Variants in ARHGEF7 observed in about 807,000 individuals in gnomAD.
The protein encoded by ARHGEF7 is PAK-interacting exchange factor beta.
In ARHGEF7, 33 loss-of-function variants were observed where a neutral mutation model predicts 109.8. The observed-to-expected ratio is 0.30, with a 90% CI of 0.23 to 0.40. ARHGEF7 has a LOEUF of 0.40. ARHGEF7 is among the 10% of genes least tolerant of loss of function. The pLI is 1.00. For synonymous variants in ARHGEF7, 458 were observed against 424.6 expected, an observed-to-expected ratio of 1.08 and a Z score of -0.97; for missense variants, 938 against 1,098.5, an observed-to-expected ratio of 0.85 and a Z score of 2.07.
chr13:111,229,032 A>G lies in ARHGEF7; in HGVS notation c.671-4173A>G, dbSNP rs1308145655. 2.0e-5 allele frequency among the ~76,000 whole-genome samples: 3 copies of G among 151,996 alleles called. No individual in the cohort carries two copies. The East Asian group carries it at 5.8e-4, about 29-fold the overall frequency. Reference sequence around the variant, plus strand: ...CTTCTCAAAAGAGGCAGAAATTCCCAGCCCTGTGATGGTGGAGCTGCCTCG... The same window carrying G: ...CTTCTCAAAAGAGGCAGAAATTCCCGGCCCTGTGATGGTGGAGCTGCCTCG... On this transcript the variant is annotated intron_variant, in intron 5 of 21. Transcript: ENST00000646102.
intron 2 of ARHGEF7, among the ~76,000 whole-genome samples, chr13:111,203,387 G>C (rs2081408783): frequency 6.6e-6 from 1 of 152,194 alleles, no homozygotes; most frequent in African/African-American, 2.4e-5. Flanking sequence ...TTTGAGTTGG[G>C]ATTTCTTCTT....
chr13:111,265,853 T>G, intron 8 of ARHGEF7: 1 of 411,170 alleles, frequency 2.4e-6, no homozygotes, highest in Non-Finnish European at 4.9e-6. Context: ...GCCTTGATCT[T>G]AGGCTTCCAA....
chr13:111,190,133 C>T (rs1448876269), intron 2 of ARHGEF7, among the ~76,000 whole-genome samples: 4 of 152,184 alleles, frequency 2.6e-5, no homozygotes, highest in East Asian at 1.9e-4. Context: ...TAGTTGAGCT[C>T]ATTTGGGGTT....
chr13:111,233,482 A>G (rs956730717), intron 6 of ARHGEF7, among the ~76,000 whole-genome samples, 189 bp downstream of exon 6: 3 of 152,148 alleles, frequency 2.0e-5, no homozygotes, highest in Non-Finnish European at 2.9e-5. Flanking sequence ...TTGTAATTGT[A>G]TGTTTTTGTT....
intron 2 of ARHGEF7, among the ~76,000 whole-genome samples, chr13:111,179,840 C>T (rs1594362001): frequency 6.6e-6 from 1 of 152,212 alleles, no homozygotes; most frequent in Non-Finnish European, 1.5e-5. Flanking sequence ...ATGAATTCTG[C>T]ATAGGTAATA....
intron 5 of ARHGEF7, 54 bp from the exon 6 acceptor site, chr13:111,233,151 A>G: frequency 6.8e-7 from 1 of 1,469,016 alleles, no homozygotes; most frequent in Non-Finnish European, 9.5e-7. Context: ...AGGGGCTGGA[A>G]CTTTTGTCAT....
At position 111,290,885 on chromosome 13, in the gene ARHGEF7, G is replaced by C. The variant is rs925037283; in HGVS notation, c.2135-1233G>C. On this transcript the variant is annotated intron_variant, in intron 18 of 21. Coordinates refer to ENST00000646102, the MANE Select transcript of ARHGEF7 (RefSeq NM_001354046.2). ...TGGAAAGGTGGTATACTTACTCAAG[G>C]TGTCTGGAAATGGGATCATAGTGAA... is the stretch of plus-strand genomic sequence containing the variant. Among the ~76,000 whole-genome samples the C allele has an allele frequency of 4.6e-5, 7 of 152,198 alleles. No individual in the cohort carries two copies. In the East Asian group the frequency reaches 1.3e-3, roughly 29 times the overall value.
At chr13:111,234,303 A>G (rs1438860214) in intron 6 of ARHGEF7, among the ~76,000 whole-genome samples, 1 of 152,188 alleles carries the variant, frequency 6.6e-6, no homozygotes, top group African/African-American at 2.4e-5. Flanking sequence ...GAGCTGTGCC[A>G]CCGTCTTGTG....
At chr13:111,176,820 G>A (rs762647263) in intron 2 of ARHGEF7, among the ~76,000 whole-genome samples, 6 of 152,154 alleles carry the variant, frequency 3.9e-5, no homozygotes, top group Non-Finnish European at 7.4e-5. Flanking sequence ...GCAATGGTGC[G>A]ATTTTGGCTC....
At chr13:111,171,137 A>G (rs767076375) in intron 2 of ARHGEF7, among the ~76,000 whole-genome samples, 2 of 152,202 alleles carry the variant, frequency 1.3e-5, no homozygotes, top group African/African-American at 4.8e-5. Flanking sequence ...AAGCTCACCA[A>G]TGCACTCTTA....
intron 2 of ARHGEF7, among the ~76,000 whole-genome samples, chr13:111,173,878 A>AG (rs1411728295): frequency 1.3e-5 from 2 of 152,156 alleles, no homozygotes; most frequent in East Asian, 3.9e-4. Flanking sequence ...CAGTTTTATC[A>AG]GGCTGCTTAA....
At chr13:111,176,821 A>C (rs2078210058) in intron 2 of ARHGEF7, among the ~76,000 whole-genome samples, 1 of 152,068 alleles carries the variant, frequency 6.6e-6, no homozygotes, top group Non-Finnish European at 1.5e-5. Context: ...CAATGGTGCG[A>C]TTTTGGCTCA....
At chr13:111,166,490 A>G (rs892110846) in intron 2 of ARHGEF7, among the ~76,000 whole-genome samples, 2 of 152,218 alleles carry the variant, frequency 1.3e-5, no homozygotes, top group African/African-American at 4.8e-5. Flanking sequence ...AGAGGACAGG[A>G]TGGCACCAAT....
At chr13:111,271,096 C>T (rs2092109474) in intron 9 of ARHGEF7, among the ~76,000 whole-genome samples, 5 of 152,146 alleles carry the variant, frequency 3.3e-5, no homozygotes, top group Non-Finnish European at 1.5e-5. Context: ...TGCAGGCCGT[C>T]GTCTGTATCA....
intron 2 of ARHGEF7, among the ~76,000 whole-genome samples, chr13:111,174,736 A>G (rs777560351): frequency 9.2e-5 from 14 of 152,202 alleles, no homozygotes; most frequent in Admixed American, 5.2e-4. Context: ...CCCGTGCCTC[A>G]GCTGTGCTAG....
intron 2 of ARHGEF7, among the ~76,000 whole-genome samples, chr13:111,176,170 T>A (rs1045147807): frequency 6.6e-6 from 1 of 152,204 alleles, no homozygotes; most frequent in African/African-American, 2.4e-5. Context: ...CCTAGGACTC[T>A]GAGCCCCCTT....
Position 111,272,405 on chromosome 13 carries a change from G to A in ARHGEF7, c.1074-1409G>A, listed in dbSNP as rs1205639657. ...CTTGGCTGGGGTGGTGCGGTGGGAGGCTCCTGTGAGACCAGAACCGGAAAT... is the reference window on the plus strand; with the variant it reads ...CTTGGCTGGGGTGGTGCGGTGGGAGACTCCTGTGAGACCAGAACCGGAAAT... On this transcript the variant is annotated intron_variant, in intron 9 of 21. Coordinates refer to ENST00000646102, the MANE Select transcript of ARHGEF7 (RefSeq NM_001354046.2). This position sits in a 1 kb window ranked among gnomAD's most constrained non-coding sequence, Gnocchi z 5.2. Among the ~76,000 whole-genome samples the A allele has an allele frequency of 6.6e-6, 1 of 152,124 alleles. No homozygotes were observed. The highest frequency in any genetic ancestry group is 2.4e-5 in the African/African-American group (1 of 41,406).
intron 1 of ARHGEF7, among the ~76,000 whole-genome samples, chr13:111,142,243 T>C (rs1021636766): frequency 1.1e-4 from 16 of 152,224 alleles, no homozygotes; most frequent in African/African-American, 3.4e-4. Context: ...TTTGCAAATA[T>C]CTCCTCCCTG....
intron 21 of ARHGEF7, among the ~76,000 whole-genome samples, chr13:111,302,178 A>G (rs2093583549): frequency 6.6e-6 from 1 of 152,222 alleles, no homozygotes; most frequent in African/African-American, 2.4e-5. Context: ...TTAGCGAGCC[A>G]GAAGTGGCGA....
Sources: allele counts gnomAD v4.1 joint callset (sites outside exome capture counted in the v4.1 genomes callset), GRCh38; gene constraint gnomAD v4.1.1; non-coding constraint Gnocchi (gnomAD v3.1); transcripts MANE v1.5; gene names NCBI Gene and HGNC (gene_info 2026-07-23, HGNC 2026-07-21).